The following SNX29 variants were observed in gnomAD, a reference collection of about 807,000 sequenced individuals.
SNX29 encodes the protein sorting nexin 29.
In SNX29, 78 loss-of-function variants were observed where a neutral mutation model predicts 102.1. The observed-to-expected ratio is 0.76, with a 90% CI of 0.64 to 0.92. The LOEUF is 0.92. Among genes scored for constraint, SNX29 ranks in the 40% least tolerant of loss-of-function variants. The probability of loss-of-function intolerance (pLI) is 0.00; values close to 1 mark genes in which losing one functional copy is unlikely to be tolerated. For synonymous variants in SNX29, 580 were observed against 414.5 expected (o/e 1.40, Z -4.85); for missense variants, 1,280 against 1,061.7 (o/e 1.21, Z -2.86).
At chr16:12,150,850 A>G (rs780797272) in intron 13 of SNX29, among the ~76,000 whole-genome samples, 6 of 152,238 alleles carry the variant, frequency 3.9e-5, no homozygotes, top group Non-Finnish European at 8.8e-5. Context: ...CAGGCAAGAG[A>G]TACGGTCATT....
intron 20 of SNX29, among the ~76,000 whole-genome samples, chr16:12,527,665 C>A (rs1280030062): frequency 1.3e-5 from 2 of 152,140 alleles, no homozygotes; most frequent in Admixed American, 6.5e-5. Context: ...CCCGGGGTCC[C>A]CACCCAGCAC....
chr16:12,140,790 T>C (rs1381024710), intron 13 of SNX29, among the ~76,000 whole-genome samples: 2 of 152,212 alleles, frequency 1.3e-5, no homozygotes, highest in Admixed American at 1.3e-4. Flanking sequence ...AATCTGACAT[T>C]ATTAGCAAAC....
chr16:12,467,458 G>A (rs761287722), intron 18 of SNX29, among the ~76,000 whole-genome samples: 2 of 152,162 alleles, frequency 1.3e-5, no homozygotes, highest in Non-Finnish European at 2.9e-5. Flanking sequence ...GTATCCATCA[G>A]GCACATGCAC....
chr16:12,163,533 C>T (rs1341352213), intron 13 of SNX29, among the ~76,000 whole-genome samples: 1 of 152,116 alleles, frequency 6.6e-6, no homozygotes, highest in African/African-American at 2.4e-5. Context: ...GAGGATGCAG[C>T]ACCGATGAAT....
chr16:12,430,057 C>A (rs1190383495), intron 18 of SNX29, among the ~76,000 whole-genome samples: 2 of 152,218 alleles, frequency 1.3e-5, no homozygotes, highest in Non-Finnish European at 2.9e-5. Flanking sequence ...CCTGTCAGAT[C>A]AGCAGTGGCA....
At chr16:12,042,287 C>T (rs1183828202) in intron 4 of SNX29, among the ~76,000 whole-genome samples, 14 of 152,190 alleles carry the variant, frequency 9.2e-5, no homozygotes, top group Admixed American at 7.9e-4. Flanking sequence ...ACATCAGCCT[C>T]CCAAGTGCTG....
intron 11 of SNX29, among the ~76,000 whole-genome samples, chr16:12,088,549 G>A (rs913799274): frequency 2.0e-5 from 3 of 152,316 alleles, no homozygotes; most frequent in South Asian, 2.1e-4. Flanking sequence ...ATGGCGTTTC[G>A]AGTGTTGACA....
At chr16:12,123,294 A>G (rs1167001850) in intron 11 of SNX29, among the ~76,000 whole-genome samples, 1 of 152,102 alleles carries the variant, frequency 6.6e-6, no homozygotes, top group African/African-American at 2.4e-5. Flanking sequence ...TGATGAGGAC[A>G]CTCAAAGTCT....
At chr16:12,286,379 TG>T (rs1315510765) in intron 15 of SNX29, among the ~76,000 whole-genome samples, 1 of 149,896 alleles carries the variant, frequency 6.7e-6, no homozygotes, top group Non-Finnish European at 1.5e-5. Flanking sequence ...GGAGCTTTGC[TG>T]TATTGCCCAG....
At chr16:12,140,210 C>G (rs1464805231) in intron 13 of SNX29, among the ~76,000 whole-genome samples, 1 of 152,194 alleles carries the variant, frequency 6.6e-6, no homozygotes, top group Non-Finnish European at 1.5e-5. Context: ...CTCTCTTTCC[C>G]TCGGTCTTGG....
intron 11 of SNX29, among the ~76,000 whole-genome samples, chr16:12,116,050 A>G (rs564348095): frequency 6.6e-6 from 1 of 152,338 alleles, no homozygotes; most frequent in East Asian, 1.9e-4. Flanking sequence ...GGTGATGGAG[A>G]CAAAGATATC....
chr16:12,025,804 G>C (rs1043912781), intron 3 of SNX29, among the ~76,000 whole-genome samples: 4 of 152,198 alleles, frequency 2.6e-5, no homozygotes, highest in Non-Finnish European at 5.9e-5. Context: ...TTTTATCTTA[G>C]AATAAAGGAT....
intron 19 of SNX29, among the ~76,000 whole-genome samples, chr16:12,522,877 C>T (rs1050553834): frequency 6.6e-6 from 1 of 152,194 alleles, no homozygotes; most frequent in Non-Finnish European, 1.5e-5. Context: ...GTGGTGTGAT[C>T]ATAGTGCACC....
intron 13 of SNX29, among the ~76,000 whole-genome samples, chr16:12,171,085 C>T (rs1160961131): frequency 2.0e-5 from 3 of 152,070 alleles, no homozygotes; most frequent in Non-Finnish European, 4.4e-5. Flanking sequence ...TGTTTGCGGT[C>T]TATAATTCCT....
chr16:12,450,573 G>A (rs1198767024), intron 18 of SNX29, among the ~76,000 whole-genome samples: 3 of 152,180 alleles, frequency 2.0e-5, no homozygotes, highest in Admixed American at 6.5e-5. Context: ...CATAGGCTCT[G>A]TCCAGCACAC....
At chr16:12,077,692 C>G (rs976142825) in intron 10 of SNX29, among the ~76,000 whole-genome samples, 2 of 152,114 alleles carry the variant, frequency 1.3e-5, no homozygotes, top group Admixed American at 6.5e-5. Flanking sequence ...GTGATCTTGG[C>G]TCACTGCAAC....
chr16:12,366,509 G>T (rs1229427547), intron 16 of SNX29, among the ~76,000 whole-genome samples: 2 of 152,188 alleles, frequency 1.3e-5, no homozygotes, highest in Admixed American at 6.5e-5. Context: ...GCAGGGCCCG[G>T]AGGAGAGGAA....
chr16:12,034,854 T>G (rs1157912872), intron 4 of SNX29, among the ~76,000 whole-genome samples: 1 of 151,980 alleles, frequency 6.6e-6, no homozygotes, highest in Non-Finnish European at 1.5e-5. Flanking sequence ...CCATTAAAAA[T>G]ACAAAAATTA....
chr16:12,199,656 C>G lies in SNX29; in HGVS notation c.1651C>G (p.Leu551Val). Residue 551 changes from leucine (L) to valine (V), a missense_variant, in exon 14 of 21, where the codon CTG (leucine) becomes GTG (valine). Coordinates refer to ENST00000566228, the MANE Select transcript of SNX29 (RefSeq NM_032167.5). ...LKKYVGAVQM[L>V]KREGQTAEVP... ...GAAATATGTAGGAGCTGTCCAGATG[C>G]TGAAAAGAGAAGGTCAAACAGCTGA... 1.2e-6 allele frequency: 2 copies of G among 1,612,932 alleles called. No individual in the cohort carries two copies.
Sources: allele counts gnomAD v4.1 joint callset (sites outside exome capture counted in the v4.1 genomes callset), GRCh38; gene constraint gnomAD v4.1.1; transcripts MANE v1.5; gene names NCBI Gene and HGNC (gene_info 2026-07-23, HGNC 2026-07-21).